The following KIAA1755 variants were observed in gnomAD, a reference collection of about 807,000 sequenced individuals.
KIAA1755 encodes the protein KIAA1755.
KIAA1755 carries 68 observed loss-of-function variants against 91.7 expected under a neutral mutation model. That is an observed-to-expected ratio of 0.74 (90% CI 0.61 to 0.91). The LOEUF is 0.91. Among genes scored for constraint, KIAA1755 ranks in the 40% least tolerant of loss-of-function variants. The probability of loss-of-function intolerance (pLI) is 0.00; values close to 1 mark genes in which losing one functional copy is unlikely to be tolerated. For synonymous variants in KIAA1755, 610 were observed against 604.6 expected, an observed-to-expected ratio of 1.01 and a Z score of -0.13; for missense variants, 1,535 against 1,494.4, an observed-to-expected ratio of 1.03 and a Z score of -0.45.
intron 11 of KIAA1755, among the ~76,000 whole-genome samples, chr20:38,218,683 G>A (rs1445821157): frequency 1.3e-5 from 2 of 152,206 alleles, no homozygotes; most frequent in African/African-American, 2.4e-5. Flanking sequence ...CAGAGACGCC[G>A]GATCATAAAA....
rs1292802760 is a variant in KIAA1755 at position 38,260,730 on chromosome 20, A to G, written c.-230T>C. On this transcript the variant is annotated 5_prime_UTR_variant, in exon 1 of 14. Transcript: ENST00000279024. ...AGGGACTGAGGCTGGAGACGGCGAG[A>G]GACATAAGGGAGCCGCGGGCGGCGC... 5 of 330,760 alleles carry G rather than the reference A, an allele frequency of 1.5e-5. No individual in the cohort carries two copies. The highest frequency in any genetic ancestry group is 2.3e-5 in the African/African-American group (1 of 43,352). The allele number at this position is 330,760 out of a possible 1,614,324, so 20.5% of individuals were successfully genotyped here.
chr20:38,244,564 G>A (rs1360508252), intron 2 of KIAA1755, among the ~76,000 whole-genome samples: 1 of 152,192 alleles, frequency 6.6e-6, no homozygotes, highest in Non-Finnish European at 1.5e-5. Flanking sequence ...TGTGATTCTT[G>A]AGGCTGAGGT....
At position 38,227,254 on chromosome 20, in the gene KIAA1755, C is replaced by T. The variant is rs771496755; in HGVS notation, c.1966-14G>A. The T allele has an allele frequency of 2.1e-5, 33 of 1,607,494 alleles. No homozygotes were observed. The highest frequency in any genetic ancestry group is 2.5e-5 in the Non-Finnish European group (29 of 1,174,598). ...TGGGACCTGAGCCTGTCAAAGACAA[C>T]CACTGCAGAGTTGCTCTGCCCAAGG... On this transcript the variant is annotated splice_polypyrimidine_tract_variant and intron_variant, in intron 6 of 13. Coordinates refer to ENST00000279024, the MANE Select transcript of KIAA1755 (RefSeq NM_001029864.2).
chr20:38,217,217 C>T (rs777910424), intron 13 of KIAA1755, 36 bp downstream of exon 13: 4 of 1,528,252 alleles, frequency 2.6e-6, no homozygotes, highest in East Asian at 2.3e-5. Flanking sequence ...GCCAGGGGAT[C>T]GGGGGGTATC....
At chr20:38,260,301 G>A in intron 1 of KIAA1755, 197 bp downstream of exon 1, 1 of 1,550,940 alleles carries the variant, frequency 6.4e-7, no homozygotes, top group South Asian at 1.2e-5. Context: ...GAAGCCAGGA[G>A]AGGACGCGGC....
intron 2 of KIAA1755, among the ~76,000 whole-genome samples, chr20:38,243,821 T>C (rs1386079023): frequency 6.6e-6 from 1 of 152,230 alleles, no homozygotes; most frequent in Admixed American, 6.5e-5. Flanking sequence ...CGATAGCCAA[T>C]AGCTACTGGG....
chr20:38,259,820 CCACACA>C lies in KIAA1755; in HGVS notation c.3+672_3+677del, dbSNP rs57325877. Among the ~76,000 whole-genome samples, 381 of 138,788 alleles carry C rather than the reference CCACACA, an allele frequency of 2.7e-3. 3 individuals are homozygous for C. The South Asian group carries it at 0.03, about 11-fold the overall frequency. The allele number at this position is 138,788 out of a possible 152,430, so 91.1% of individuals were successfully genotyped here. ...AAACGCATCCCTGCCACCACCACCACCACACACACACACACACACACACACACACAC... is the reference window on the plus strand; with the variant it reads ...AAACGCATCCCTGCCACCACCACCACCACACACACACACACACACACACAC... On this transcript the variant is annotated intron_variant, in intron 1 of 13. Coordinates refer to ENST00000279024, the MANE Select transcript of KIAA1755 (RefSeq NM_001029864.2).
In KIAA1755 at chr20:38,239,711, T is replaced by G; in HGVS notation, c.1564A>C (p.Thr522Pro). 1 of 1,612,236 alleles carries G rather than the reference T, an allele frequency of 6.2e-7. No individual in the cohort carries two copies. Among genetic ancestry groups the G allele is most frequent in the South Asian group, 1.1e-5 (1 of 91,062 alleles). ...GCAGTGGCTGGGCCAGATGTTTTGG[T>G]CTGAGTTGTTCCAGCTGGGAAAAAG... Reference protein sequence around the residue: ...KSLGKAGTTQTKTSGPATAPS... With the variant: ...KSLGKAGTTQPKTSGPATAPS... The change falls in exon 4 of 14, where the codon ACC becomes CCC. Residue 522 changes from threonine to proline, a missense_variant. Physicochemically the swap from Thr to Pro is conservative, Grantham distance 38 (BLOSUM62 -1). Coordinates refer to ENST00000279024, the MANE Select transcript of KIAA1755 (RefSeq NM_001029864.2).
intron 4 of KIAA1755, among the ~76,000 whole-genome samples, chr20:38,235,664 C>T (rs2075947743): frequency 6.6e-6 from 1 of 152,184 alleles, no homozygotes; most frequent in South Asian, 2.1e-4. Flanking sequence ...AAGAATGCAG[C>T]TCTGCAGACA....
At chr20:38,234,124 A>C (rs755799900) in intron 4 of KIAA1755, among the ~76,000 whole-genome samples, 2 of 152,136 alleles carry the variant, frequency 1.3e-5, no homozygotes, top group Non-Finnish European at 2.9e-5. Flanking sequence ...TGAGAAAATG[A>C]ATCTCTGTTG....
rs552565313 is a variant in KIAA1755 at position 38,247,522 on chromosome 20, G to A, written c.4-1396C>T. Reference sequence around the variant, plus strand: ...CCCAACTACCCCAGGGAGATCAGGTGTCCCCTTTTCTGGGATCCTATAGTA... The same window carrying A: ...CCCAACTACCCCAGGGAGATCAGGTATCCCCTTTTCTGGGATCCTATAGTA... On this transcript the variant is annotated intron_variant, in intron 1 of 13. Transcript: ENST00000279024. Among the ~76,000 whole-genome samples, 3 of 152,276 alleles carry A rather than the reference G, an allele frequency of 2.0e-5. No homozygotes were observed. In the Middle Eastern group the frequency reaches 0.01, roughly 518 times the overall value.
chr20:38,249,662 G>A (rs1414565883), intron 1 of KIAA1755, among the ~76,000 whole-genome samples: 1 of 151,562 alleles, frequency 6.6e-6, no homozygotes, highest in African/African-American at 2.4e-5. Context: ...TGAGCTCAGA[G>A]AGGATGATGG....
intron 1 of KIAA1755, 191 bp downstream of exon 1, chr20:38,260,307 G>A (rs761695510): frequency 1.3e-6 from 2 of 1,551,352 alleles, no homozygotes; most frequent in African/African-American, 1.4e-5. Flanking sequence ...AGGAGAGGAC[G>A]CGGCCAGAGA....
intron 13 of KIAA1755, 121 bp from the exon 14 acceptor site, chr20:38,213,864 C>T (rs897418184): frequency 2.0e-5 from 13 of 644,262 alleles, no homozygotes; most frequent in Middle Eastern, 4.3e-4. Context: ...TCTCCACTGA[C>T]CATGATGACC....
At chr20:38,217,107 G>A (rs577081472) in intron 13 of KIAA1755, 146 bp downstream of exon 13, 10 of 662,604 alleles carry the variant, frequency 1.5e-5, no homozygotes, top group East Asian at 5.6e-5. Flanking sequence ...GCAAGTGGGT[G>A]GGGGGGGGCT....
Position 38,240,734 on chromosome 20 carries a change from G to A in KIAA1755, c.1397C>T (p.Pro466Leu). Residue 466 changes from proline (P) to leucine (L), a missense_variant, in exon 3 of 14, where the codon CCC (proline) becomes CTC (leucine). Transcript: ENST00000279024. ...TGAGAATTTGAGCCCAGGAGTGGGGGGCTCAGGGGAGGAGGTGTTTCTGCT... is the reference window on the plus strand; with the variant it reads ...TGAGAATTTGAGCCCAGGAGTGGGGAGCTCAGGGGAGGAGGTGTTTCTGCT... ...CPSRNTSSPE[P>L]PTPGLKFSFL... 1 of 1,572,700 alleles carries A rather than the reference G, an allele frequency of 6.4e-7. No individual in the cohort carries two copies. The highest frequency in any genetic ancestry group is 8.6e-7 in the Non-Finnish European group (1 of 1,159,828).
Position 38,239,606 on chromosome 20 carries a change from C to T in KIAA1755, c.1669G>A (p.Glu557Lys). Residue 557 changes from glutamate (E) to lysine (K), a missense_variant, in exon 4 of 14, where the codon GAG becomes AAG. Transcript: ENST00000279024. ...GSPERGPTLE[E>K]EPPGPEPRIG... ...CTGGGCTCAGGCCCTGGGGGCTCCTCCTCCAGGGTGGGGCCTCTTTCTGGG... is the reference window on the plus strand; with the variant it reads ...CTGGGCTCAGGCCCTGGGGGCTCCTTCTCCAGGGTGGGGCCTCTTTCTGGG... 2 of 1,606,622 alleles carry T rather than the reference C, an allele frequency of 1.2e-6. No homozygotes were observed. The highest frequency in any genetic ancestry group is 1.7e-6 in the Non-Finnish European group (2 of 1,177,526).
chr20:38,239,864 G>T, intron 3 of KIAA1755, 139 bp from the exon 4 acceptor site: 1 of 812,374 alleles, frequency 1.2e-6, no homozygotes, highest in South Asian at 1.6e-5. Flanking sequence ...ATTGCGCTAA[G>T]CCCCTTACTT....
intron 1 of KIAA1755, 138 bp downstream of exon 1, chr20:38,260,360 A>G (rs2076426724): frequency 6.3e-7 from 1 of 1,587,460 alleles, no homozygotes; most frequent in Admixed American, 1.7e-5. Context: ...GAAGCAGGTA[A>G]GCACAACCCT....
Sources: gnomAD v4.1 joint callset for allele counts (sites outside exome capture counted in the v4.1 genomes callset) on GRCh38, gnomAD v4.1.1 for gene constraint, MANE v1.5 for transcripts, NCBI Gene and HGNC (gene_info 2026-07-23, HGNC 2026-07-21) for gene names.